The following MYO16 variants were observed in gnomAD, a reference collection of about 807,000 sequenced individuals.
The protein encoded by MYO16 is myosin XVI, also known as unconventional myosin-XVI.
MYO16 carries 94 observed loss-of-function variants against 205.3 expected under a neutral mutation model. That is an observed-to-expected ratio of 0.46 (90% CI 0.39 to 0.54). The LOEUF is 0.54. Among genes scored for constraint, MYO16 ranks in the 20% least tolerant of loss-of-function variants. The pLI is 0.00. For synonymous variants in MYO16, 988 were observed against 954.0 expected (o/e 1.04, Z -0.66); for missense variants, 2,315 against 2,387.5 (o/e 0.97, Z 0.63).
At chr13:108,992,539 TACA>T (rs1566449780) in intron 21 of MYO16, 91 bp downstream of exon 21, 3 of 709,038 alleles carry the variant, frequency 4.2e-6, no homozygotes, top group Non-Finnish European at 6.9e-6. Context: ...TGTAACTACT[TACA>T]AATATGGAAT....
rs774691933 is a variant in MYO16, at chr13:108,656,053, A to G, written c.29-9833A>G. On this transcript the variant is annotated intron_variant, in intron 1 of 34. Transcript: ENST00000457511. ...ATTAAGACTTTGGGGGATTGTTGGG[A>G]AGGCATGATTTGTTTTGAAATGTGA... Among the ~76,000 whole-genome samples the G allele has an allele frequency of 2.0e-5, 3 of 152,154 alleles. No individual in the cohort carries two copies. The East Asian group carries it at 5.8e-4, about 29-fold the overall frequency.
At chr13:109,025,372 A>C (rs1474431070) in intron 23 of MYO16, among the ~76,000 whole-genome samples, 1 of 152,208 alleles carries the variant, frequency 6.6e-6, no homozygotes, top group Non-Finnish European at 1.5e-5. Context: ...TTATAGCTGA[A>C]GATCTTTTCT....
intron 20 of MYO16, among the ~76,000 whole-genome samples, chr13:108,981,323 C>T (rs556426382): frequency 6.6e-6 from 1 of 152,172 alleles, no homozygotes; most frequent in South Asian, 2.1e-4. Flanking sequence ...GCTTAAATGC[C>T]ATCATCAAGA....
the MYO16 span, among the ~76,000 whole-genome samples, chr13:108,557,188 G>C: frequency 6.6e-6 from 1 of 151,892 alleles, no homozygotes; most frequent in Non-Finnish European, 1.5e-5. Flanking sequence ...ATTTTGATAG[G>C]GATTGCATTG....
intron 27 of MYO16, among the ~76,000 whole-genome samples, chr13:109,076,445 G>A (rs995206876): frequency 9.9e-5 from 15 of 152,162 alleles, no homozygotes; most frequent in African/African-American, 3.4e-4. Flanking sequence ...ATGGCCTGGA[G>A]TCCAGGCAGC....
intron 4 of MYO16, among the ~76,000 whole-genome samples, chr13:108,734,925 A>G (rs779356941): frequency 6.6e-6 from 1 of 152,106 alleles, no homozygotes; most frequent in Non-Finnish European, 1.5e-5. Context: ...CTAGCCTCCT[A>G]GAAAGTCCAG....
chr13:108,680,109 C>G (rs1882400080), intron 2 of MYO16, among the ~76,000 whole-genome samples: 1 of 152,134 alleles, frequency 6.6e-6, no homozygotes, highest in Non-Finnish European at 1.5e-5. Flanking sequence ...TCCCACAGTG[C>G]CTGGAGCTGC....
the MYO16 span, among the ~76,000 whole-genome samples, chr13:108,558,113 A>T: frequency 1.3e-5 from 2 of 152,234 alleles, no homozygotes; most frequent in Non-Finnish European, 2.9e-5. Context: ...AACAAAATTA[A>T]ATATCAATTT....
intron 1 of MYO16, among the ~76,000 whole-genome samples, chr13:108,654,433 G>A (rs186553317): frequency 4.7e-4 from 72 of 152,228 alleles, no homozygotes; most frequent in African/African-American, 1.4e-3. Flanking sequence ...TTTGCCTTCC[G>A]CCATGATTCT....
Position 108,855,543 on chromosome 13 carries a change from A to G in MYO16, c.1349A>G (p.Asn450Ser), listed in dbSNP as rs1185507523. 18 of 1,582,108 alleles carry G rather than the reference A, an allele frequency of 1.1e-5. No individual in the cohort carries two copies. The highest frequency in any genetic ancestry group is 1.5e-5 in the Non-Finnish European group (17 of 1,155,734). Residue 450 changes from asparagine to serine, a missense_variant, in exon 11 of 35, where the codon AAT becomes AGT. By Grantham distance (46) the Asn-to-Ser change is conservative. Around this residue, in one of 3 missense-constraint regions of MYO16, gnomAD observed 1,213 missense variants for 1,274.4 expected, o/e 0.95. Coordinates refer to ENST00000457511, the MANE Select transcript of MYO16 (RefSeq NM_001198950.3). ...LYEIQKRFGN[N>S]QIYTFIGDIL... ...GAGATTCAGAAGCGCTTTGGGAACAATCAGATCTATGTGAGTGCCCTGGAA... is the reference window on the plus strand; with the variant it reads ...GAGATTCAGAAGCGCTTTGGGAACAGTCAGATCTATGTGAGTGCCCTGGAA...
chr13:109,015,138 C>G (rs1171504738), intron 22 of MYO16, among the ~76,000 whole-genome samples: 1 of 152,146 alleles, frequency 6.6e-6, no homozygotes, highest in African/African-American at 2.4e-5. Flanking sequence ...TACGTTCCAT[C>G]AATACCTAGT....
At chr13:108,781,890 A>T (rs1366492077) in intron 4 of MYO16, among the ~76,000 whole-genome samples, 2 of 152,244 alleles carry the variant, frequency 1.3e-5, no homozygotes, top group East Asian at 3.9e-4. Flanking sequence ...ATGTAAGAAG[A>T]GCCTTTTACC....
chr13:108,936,788 C>T (rs1882510355), intron 16 of MYO16, among the ~76,000 whole-genome samples: 1 of 152,102 alleles, frequency 6.6e-6, no homozygotes, highest in Non-Finnish European at 1.5e-5. Flanking sequence ...CAACTTGCCA[C>T]TCTGTGCCTT....
At chr13:108,849,494 A>G (rs1594341956) in intron 10 of MYO16, among the ~76,000 whole-genome samples, 1 of 147,882 alleles carries the variant, frequency 6.8e-6, no homozygotes, top group South Asian at 2.1e-4. Context: ...CCCATCTAAC[A>G]CACAGTCTTT....
At chr13:109,115,836 AG>A (rs1875651098) in intron 28 of MYO16, among the ~76,000 whole-genome samples, 1 of 152,230 alleles carries the variant, frequency 6.6e-6, no homozygotes, top group Admixed American at 6.5e-5. Context: ...CCCTAGCATC[AG>A]TGAAAGTAGA....
intron 12 of MYO16, among the ~76,000 whole-genome samples, chr13:108,868,917 C>CA (rs34882433): frequency 0.36 from 49,926 of 138,170 alleles, 9,448 homozygotes; most frequent in African/African-American, 0.51. Context: ...GAGACTCTGT[C>CA]AAAAAAAAAA....
chr13:108,985,603 T>A (rs1031126518), intron 20 of MYO16, among the ~76,000 whole-genome samples: 2 of 152,232 alleles, frequency 1.3e-5, no homozygotes, highest in Non-Finnish European at 2.9e-5. Context: ...GAATGTATTT[T>A]CAGTTCTTCC....
At chr13:108,977,099 ATAAC>A (rs1439603718) in intron 20 of MYO16, among the ~76,000 whole-genome samples, 13 of 152,302 alleles carry the variant, frequency 8.5e-5, no homozygotes, top group African/African-American at 2.9e-4. Flanking sequence ...AACATTGTGA[ATAAC>A]TAAGAATTAC....
chr13:108,861,440 GT>G (rs555124096), intron 11 of MYO16, among the ~76,000 whole-genome samples: 133 of 152,170 alleles, frequency 8.7e-4, no homozygotes, highest in Non-Finnish European at 1.7e-3. Flanking sequence ...ACTTTGAGTT[GT>G]TTCCACTTTT....
Sources: allele counts gnomAD v4.1 joint callset (sites outside exome capture counted in the v4.1 genomes callset), GRCh38; gene constraint gnomAD v4.1.1; regional missense constraint gnomAD v4.1.1; transcripts MANE v1.5; gene names NCBI Gene and HGNC (gene_info 2026-07-23, HGNC 2026-07-21).